Variants in COL21A1 observed in about 807,000 individuals in gnomAD.
COL21A1 encodes the protein collagen alpha-1(XXI) chain.
COL21A1 carries 149 observed loss-of-function variants against 137.9 expected under a neutral mutation model. That is an observed-to-expected ratio of 1.08 (90% CI 0.95 to 1.24). The LOEUF is 1.24. COL21A1 is among the 50% of genes most tolerant of loss of function. COL21A1 has a pLI of 0.00. For synonymous variants in COL21A1, 456 were observed against 391.5 expected (o/e 1.16, Z -1.95); for missense variants, 1,167 against 1,158.4 (o/e 1.01, Z -0.11).
At chr6:56,386,489 T>C (rs1424995749) in intron 1 of COL21A1, among the ~76,000 whole-genome samples, 2 of 152,198 alleles carry the variant, frequency 1.3e-5, no homozygotes. Context: ...AGTAGTTCTT[T>C]TTAAGAAACC....
intron 25 of COL21A1, chr6:56,061,317 G>A (rs554001504): frequency 2.0e-6 from 1 of 490,970 alleles, no homozygotes; most frequent in South Asian, 3.7e-5. Context: ...TAAAACAATG[G>A]GCATAACACA....
rs9296834 is a variant in COL21A1 at position 56,247,415 on chromosome 6, C to G, written c.-67G>C. 0.2 allele frequency: 30,096 copies of G among 152,112 alleles called. 3,358 individuals are homozygous for G. Among genetic ancestry groups the G allele is most frequent in the Non-Finnish European group, 0.26 (17,957 of 68,054 alleles). The allele number at this position is 152,112 out of a possible 1,614,324, so 9.4% of individuals were successfully genotyped here. ...GCGCAGTGTCCAGGCTCGGGGTTGCCGTCGCAGCCAGCTGAGTGTTGCGCC... is the reference window on the plus strand; with the variant it reads ...GCGCAGTGTCCAGGCTCGGGGTTGCGGTCGCAGCCAGCTGAGTGTTGCGCC... On this transcript the variant is annotated 5_prime_UTR_variant, in exon 1 of 30. Coordinates refer to ENST00000244728, the MANE Select transcript of COL21A1 (RefSeq NM_030820.4).
At chr6:56,194,203 T>C (rs988782505) in intron 1 of COL21A1, among the ~76,000 whole-genome samples, 1 of 152,230 alleles carries the variant, frequency 6.6e-6, no homozygotes, top group Non-Finnish European at 1.5e-5. Flanking sequence ...CATTCAGATT[T>C]TTTGGGCAAA....
rs777072229 is a variant in COL21A1 at position 56,060,219 on chromosome 6, C to A, written c.2408-1G>T. 1 of 1,586,154 alleles carries A rather than the reference C, an allele frequency of 6.3e-7. No homozygotes were observed. The highest frequency in any genetic ancestry group is 1.2e-5 in the South Asian group (1 of 86,486). ...CTCTGAAGTAAGACTGGTAGCTGGG[C>A]TTTCAAAAACAAAGAAACCCCATCC... is the stretch of plus-strand genomic sequence containing the variant. On this transcript the variant is annotated splice_acceptor_variant, in intron 27 of 29. Transcript: ENST00000244728. LOFTEE classifies it high-confidence loss of function.
chr6:56,338,572 C>T (rs1765389543), intron 1 of COL21A1, among the ~76,000 whole-genome samples: 1 of 152,184 alleles, frequency 6.6e-6, no homozygotes, highest in Non-Finnish European at 1.5e-5. Flanking sequence ...AGTGAAAACT[C>T]ATTCACCTTT....
At chr6:56,302,915 A>T (rs1764338220) in intron 1 of COL21A1, among the ~76,000 whole-genome samples, 1 of 152,190 alleles carries the variant, frequency 6.6e-6, no homozygotes, top group Non-Finnish European at 1.5e-5. Context: ...CATAAGGTGT[A>T]AGGAAGGGAT....
chr6:56,094,025 T>G (rs1456939217), intron 17 of COL21A1, among the ~76,000 whole-genome samples: 1 of 152,164 alleles, frequency 6.6e-6, no homozygotes, highest in Non-Finnish European at 1.5e-5. Context: ...ATCTGCTAAT[T>G]TTAACATCTT....
At chr6:56,215,963 C>T (rs960438241) in intron 1 of COL21A1, among the ~76,000 whole-genome samples, 1 of 152,046 alleles carries the variant, frequency 6.6e-6, no homozygotes, top group African/African-American at 2.4e-5. Flanking sequence ...CCTGTGAGTT[C>T]CTTGAGGGCA....
chr6:56,299,891 G>T (rs1403324449), intron 1 of COL21A1, among the ~76,000 whole-genome samples: 2 of 152,034 alleles, frequency 1.3e-5, no homozygotes, highest in Admixed American at 6.6e-5. Flanking sequence ...GCGGTTAAGA[G>T]CTCCCCTTTC....
chr6:56,372,604 T>G (rs1340582109), intron 1 of COL21A1, among the ~76,000 whole-genome samples: 1 of 152,230 alleles, frequency 6.6e-6, no homozygotes, highest in African/African-American at 2.4e-5. Context: ...TAAGGGAGTA[T>G]GTAACTAAAG....
intron 14 of COL21A1, among the ~76,000 whole-genome samples, chr6:56,124,630 TTTTGTTTG>T (rs10624734): frequency 1.3e-5 from 2 of 150,570 alleles, no homozygotes; most frequent in Non-Finnish European, 3.0e-5. Flanking sequence ...TGGACATGTT[TTTTGTTTG>T]TTTGTTTGTT....
At chr6:56,074,581 AT>A (rs1309210829) in intron 19 of COL21A1, among the ~76,000 whole-genome samples, 7 of 151,012 alleles carry the variant, frequency 4.6e-5, no homozygotes, top group East Asian at 2.0e-4. Context: ...ATAAAGGAAA[AT>A]TTTTTTTCTA....
At chr6:56,185,426 CTT>C (rs777045553) in intron 1 of COL21A1, among the ~76,000 whole-genome samples, 10,555 of 99,936 alleles carry the variant, frequency 0.11, 468 homozygotes, top group African/African-American at 0.19. Flanking sequence ...AATGAACAGT[CTT>C]TTTTTTTTTT....
chr6:56,352,843 C>T (rs1037622333), intron 1 of COL21A1, among the ~76,000 whole-genome samples: 1 of 152,148 alleles, frequency 6.6e-6, no homozygotes, highest in Non-Finnish European at 1.5e-5. Context: ...AGTTTGAGAT[C>T]AGCCTGGGCC....
chr6:56,239,438 G>A (rs1045963902), intron 1 of COL21A1, among the ~76,000 whole-genome samples: 4 of 152,104 alleles, frequency 2.6e-5, no homozygotes, highest in South Asian at 4.2e-4. Flanking sequence ...GCATAAAAAC[G>A]TCTACCATCT....
intron 2 of COL21A1, 86 bp downstream of exon 2, chr6:56,182,445 C>G: frequency 1.2e-6 from 1 of 832,092 alleles, no homozygotes; most frequent in Non-Finnish European, 2.0e-6. Context: ...AGAATGAGAT[C>G]CTTAAAACCA....
rs1771221418 is a variant in COL21A1 at position 56,109,383 on chromosome 6, CAG to C, written c.1759-7860_1759-7859del. ...GACCAAGGGAGAATAATCATTAAAA[CAG>C]AGAAAACTTTTTAAAAATCATGAGA... On this transcript the variant is annotated intron_variant, in intron 16 of 29. Transcript: ENST00000244728. 2.6e-5 allele frequency among the ~76,000 whole-genome samples: 4 copies of C among 151,702 alleles called. No homozygotes were observed. The South Asian group carries it at 8.3e-4, about 32-fold the overall frequency.
intron 14 of COL21A1, among the ~76,000 whole-genome samples, chr6:56,124,904 C>T (rs1317654310): frequency 1.3e-5 from 2 of 152,148 alleles, no homozygotes; most frequent in African/African-American, 4.8e-5. Flanking sequence ...CTTAGCCTCC[C>T]AAAGTGCTGG....
rs75919308 is a variant in COL21A1, at chr6:56,173,900, C to T, written c.641-2772G>A. 1.2e-4 allele frequency among the ~76,000 whole-genome samples: 18 copies of T among 152,268 alleles called. No individual in the cohort carries two copies. In the East Asian group the frequency reaches 2.1e-3, roughly 18 times the overall value. ...ACAGCAGCAGAATACACATTCCCTT[C>T]AATTGCACATGAAACATTCTCCAGG... is the stretch of plus-strand genomic sequence containing the variant. On this transcript the variant is annotated intron_variant, in intron 3 of 29. Transcript: ENST00000244728.
Sources: gnomAD v4.1 joint callset for allele counts (sites outside exome capture counted in the v4.1 genomes callset) on GRCh38, gnomAD v4.1.1 for gene constraint, MANE v1.5 for transcripts, NCBI Gene and HGNC (gene_info 2026-07-23, HGNC 2026-07-21) for gene names.